The following KANK1 variants were observed in gnomAD, a reference collection of about 807,000 sequenced individuals.
The protein encoded by KANK1 is KN motif and ankyrin repeat domain-containing protein 1.
Under a neutral mutation model 106.2 loss-of-function variants are expected in KANK1, and 109 were observed. That is an observed-to-expected ratio of 1.03 (90% CI 0.88 to 1.20). The LOEUF (loss-of-function observed/expected upper bound fraction) is 1.20. KANK1 is among the 50% of genes most tolerant of loss of function. The probability of loss-of-function intolerance (pLI) is 0.00; values close to 1 mark genes in which losing one functional copy is unlikely to be tolerated. For synonymous variants in KANK1, 873 were observed against 652.2 expected (o/e 1.34, Z -5.16); for missense variants, 2,399 against 1,710.7 (o/e 1.40, Z -7.10).
At chr9:559,260 G>A (rs1437410249) in intron 1 of KANK1, among the ~76,000 whole-genome samples, 1 of 152,112 alleles carries the variant, frequency 6.6e-6, no homozygotes, top group Non-Finnish European at 1.5e-5. Flanking sequence ...TTCTTGCAGA[G>A]GTTTTTGCAG....
chr9:741,618 G>A (rs891579839), intron 9 of KANK1, among the ~76,000 whole-genome samples: 1 of 151,720 alleles, frequency 6.6e-6, no homozygotes, highest in Non-Finnish European at 1.5e-5. Flanking sequence ...CTCCCAAGTA[G>A]CTGGGACTAC....
intron 1 of KANK1, among the ~76,000 whole-genome samples, chr9:558,509 C>T (rs992124125): frequency 1.3e-5 from 2 of 152,120 alleles, no homozygotes; most frequent in African/African-American, 4.8e-5. Context: ...ATTGTTGATT[C>T]ATTAACATTG....
At chr9:690,914 T>G (rs1043737820) in intron 2 of KANK1, among the ~76,000 whole-genome samples, 2 of 152,220 alleles carry the variant, frequency 1.3e-5, no homozygotes, top group South Asian at 4.1e-4. Context: ...CTTTTCTGGC[T>G]ACTCTCCGCC....
At chr9:506,198 C>T (rs1405640334) in intron 1 of KANK1, among the ~76,000 whole-genome samples, 2 of 152,164 alleles carry the variant, frequency 1.3e-5, no homozygotes, top group Non-Finnish European at 2.9e-5. Flanking sequence ...CATTTTAAGG[C>T]AGCTACTTAG....
At chr9:643,102 G>A (rs1386903251) in intron 1 of KANK1, among the ~76,000 whole-genome samples, 8 of 150,730 alleles carry the variant, frequency 5.3e-5, no homozygotes, top group Admixed American at 5.3e-4. Flanking sequence ...TCACCATTTG[G>A]AAAGATCTTA....
intron 1 of KANK1, among the ~76,000 whole-genome samples, chr9:505,036 C>G (rs1363972911): frequency 6.6e-6 from 1 of 151,708 alleles, no homozygotes; most frequent in African/African-American, 2.4e-5. Flanking sequence ...GGCGCTCGGC[C>G]GGTCTGGAGG....
At chr9:565,341 C>A (rs928730318) in intron 1 of KANK1, among the ~76,000 whole-genome samples, 1 of 152,178 alleles carries the variant, frequency 6.6e-6, no homozygotes, top group Admixed American at 6.5e-5. Flanking sequence ...CATGTTTGCT[C>A]CCATTCTACC....
intron 3 of KANK1, among the ~76,000 whole-genome samples, chr9:715,563 T>C (rs1348320369): frequency 6.6e-6 from 1 of 152,192 alleles, no homozygotes; most frequent in Non-Finnish European, 1.5e-5. Flanking sequence ...TTTGGTCTAT[T>C]TCCAGTCACA....
intron 1 of KANK1, among the ~76,000 whole-genome samples, chr9:519,191 C>G (rs1024707645): frequency 4.0e-5 from 6 of 151,624 alleles, no homozygotes; most frequent in African/African-American, 1.5e-4. Context: ...CGCCCAGTGT[C>G]TTTCAACTTT....
chr9:626,229 C>T (rs1022427387), intron 1 of KANK1, among the ~76,000 whole-genome samples: 4 of 151,908 alleles, frequency 2.6e-5, no homozygotes, highest in East Asian at 1.9e-4. Context: ...TTTAGGAGGC[C>T]GAGGCAGGCA....
chr9:645,704 A>G (rs1027984882), intron 1 of KANK1, among the ~76,000 whole-genome samples: 1 of 150,750 alleles, frequency 6.6e-6, no homozygotes, highest in East Asian at 1.9e-4. Context: ...CAACGTGGTG[A>G]AACCCCATTT....
At chr9:490,958 CTTTT>C (rs758168904) in intron 3 of KANK1, among the ~76,000 whole-genome samples, 2 of 116,346 alleles carry the variant, frequency 1.7e-5, no homozygotes, top group Non-Finnish European at 3.5e-5. Flanking sequence ...GCTAAAGTGG[CTTTT>C]TTTTTTTTTT....
intron 3 of KANK1, among the ~76,000 whole-genome samples, chr9:474,150 T>G (rs560859762): frequency 6.6e-6 from 1 of 152,254 alleles, no homozygotes; most frequent in South Asian, 2.1e-4. Context: ...GGTGAGTGAG[T>G]GTATGGATAG....
chr9:586,007 C>A (rs1588041862), intron 1 of KANK1, among the ~76,000 whole-genome samples: 1 of 152,118 alleles, frequency 6.6e-6, no homozygotes, highest in Non-Finnish European at 1.5e-5. Context: ...AAGAGAACTT[C>A]AAAGTTTGTG....
At chr9:728,875 T>A (rs1222394007) in intron 3 of KANK1, among the ~76,000 whole-genome samples, 1 of 152,232 alleles carries the variant, frequency 6.6e-6, no homozygotes, top group Non-Finnish European at 1.5e-5. Context: ...AGCCCACCCT[T>A]ATTTGAGTTC....
intron 1 of KANK1, among the ~76,000 whole-genome samples, chr9:542,618 A>T (rs749999402): frequency 6.6e-6 from 1 of 152,220 alleles, no homozygotes; most frequent in Non-Finnish European, 1.5e-5. Context: ...CCCTCGCAGC[A>T]TGATTCACAA....
intron 1 of KANK1, among the ~76,000 whole-genome samples, chr9:557,644 C>G (rs772396951): frequency 6.6e-6 from 1 of 152,122 alleles, no homozygotes; most frequent in African/African-American, 2.4e-5. Flanking sequence ...AGACAGATCA[C>G]GAAAGTACTA....
intron 1 of KANK1, among the ~76,000 whole-genome samples, chr9:669,533 A>G (rs10975680): frequency 0.29 from 44,043 of 151,976 alleles, 6,952 homozygotes; most frequent in South Asian, 0.48. Flanking sequence ...TTCTTTCAGC[A>G]CTTTGAAAAT....
chr9:696,954 A>G (rs2129805613), intron 2 of KANK1, among the ~76,000 whole-genome samples: 1 of 152,324 alleles, frequency 6.6e-6, no homozygotes, highest in South Asian at 2.1e-4. Context: ...AGATGAAGAA[A>G]GGAAAGACAG....
Sources: allele counts gnomAD v4.1 joint callset (sites outside exome capture counted in the v4.1 genomes callset), GRCh38; gene constraint gnomAD v4.1.1; transcripts MANE v1.5; gene names NCBI Gene and HGNC (gene_info 2026-07-23, HGNC 2026-07-21).